The following TAFA2 variants were observed in gnomAD, a reference collection of about 807,000 sequenced individuals.
The protein encoded by TAFA2 is TAFA chemokine like family member 2.
In TAFA2, 7 loss-of-function variants were observed where a neutral mutation model predicts 18.8. The observed-to-expected ratio is 0.37, with a 90% confidence interval of 0.21 to 0.70. The LOEUF is 0.70. Among genes scored for constraint, TAFA2 ranks in the 30% least tolerant of loss-of-function variants. The pLI is 0.53. For missense variants in TAFA2, 122 were observed against 158.1 expected (o/e 0.77, Z 1.23); for synonymous variants, 60 against 54.2 (o/e 1.11, Z -0.47).
intron 2 of TAFA2, among the ~76,000 whole-genome samples, chr12:61,768,737 GC>G (rs1459228572): frequency 6.6e-6 from 1 of 152,092 alleles, no homozygotes; most frequent in African/African-American, 2.4e-5. Context: ...GGGGAGGTCT[GC>G]CAGTGGAATT....
chr12:62,207,502 A>G lies in TAFA2; in HGVS notation c.-130+51261T>C, dbSNP rs533506402. On this transcript the variant is annotated intron_variant, in intron 1 of 5. Coordinates refer to the TAFA2 transcript ENST00000551619. ...CACACACACACACATACACGAGACAAGAAGCTCAAATGCACCCCTATGGTC... is the reference window on the plus strand; with the variant it reads ...CACACACACACACATACACGAGACAGGAAGCTCAAATGCACCCCTATGGTC... Among the ~76,000 whole-genome samples the G allele has an allele frequency of 2.6e-5, 4 of 152,176 alleles. No homozygotes were observed. In the South Asian group the frequency reaches 8.3e-4, roughly 32 times the overall value.
chr12:62,129,790 A>T (rs1435085633), intron 1 of TAFA2, among the ~76,000 whole-genome samples: 1 of 151,878 alleles, frequency 6.6e-6, no homozygotes, highest in Non-Finnish European at 1.5e-5. Context: ...TCTTCCTTTC[A>T]TCCCCAGGAC....
In TAFA2 at chr12:61,760,939, C is replaced by T. The variant is rs543772857; in HGVS notation, c.107-5915G>A. 2.6e-5 allele frequency among the ~76,000 whole-genome samples: 4 copies of T among 151,878 alleles called. No individual in the cohort carries two copies. In the South Asian group the frequency reaches 8.3e-4, roughly 32 times the overall value. ...GATGCATAAACACAAAGTATTCCCT[C>T]CTACTTTTTTGTGAAATGACAGCAT... On this transcript the variant is annotated intron_variant, in intron 2 of 4. Transcript: ENST00000416284.
At chr12:61,758,512 G>A (rs943044644) in intron 2 of TAFA2, among the ~76,000 whole-genome samples, 1 of 152,038 alleles carries the variant, frequency 6.6e-6, no homozygotes, top group Non-Finnish European at 1.5e-5. Context: ...TGTAGGTACA[G>A]AGTCAGGTAG....
chr12:61,948,920 T>C (rs549095499), intron 1 of TAFA2, among the ~76,000 whole-genome samples: 2 of 152,276 alleles, frequency 1.3e-5, no homozygotes, highest in African/African-American at 2.4e-5. Flanking sequence ...TGACCTACCT[T>C]AAATATCATC....
chr12:62,123,173 C>T, intron 1 of TAFA2, among the ~76,000 whole-genome samples: 1 of 152,152 alleles, frequency 6.6e-6, no homozygotes, highest in Non-Finnish European at 1.5e-5. Context: ...GGACAGAAAA[C>T]AGCTTTTATT....
chr12:61,939,321 T>G (rs1184305120), intron 1 of TAFA2, among the ~76,000 whole-genome samples: 1 of 152,204 alleles, frequency 6.6e-6, no homozygotes, highest in Non-Finnish European at 1.5e-5. Flanking sequence ...AAAATATGAC[T>G]GGTTAGATTT....
intron 4 of TAFA2, among the ~76,000 whole-genome samples, chr12:61,723,873 A>G (rs575459897): frequency 6.6e-6 from 1 of 152,200 alleles, no homozygotes; most frequent in East Asian, 1.9e-4. Flanking sequence ...ATTTCCATAC[A>G]GCTGCTTAAC....
At chr12:61,955,600 C>CA (rs869189343) in intron 1 of TAFA2, among the ~76,000 whole-genome samples, 8 of 38,944 alleles carry the variant, frequency 2.1e-4, no homozygotes, top group African/African-American at 6.3e-4. Flanking sequence ...GACTCCATCT[C>CA]AAAAAAAAAA....
chr12:61,900,383 T>C (rs1009361125), intron 1 of TAFA2, among the ~76,000 whole-genome samples: 1 of 152,220 alleles, frequency 6.6e-6, no homozygotes, highest in African/African-American at 2.4e-5. Context: ...GAAAAGCTTA[T>C]ATTTCTGTGG....
intron 1 of TAFA2, among the ~76,000 whole-genome samples, chr12:62,178,681 A>G (rs1006024444): frequency 6.6e-6 from 1 of 152,224 alleles, no homozygotes; most frequent in Non-Finnish European, 1.5e-5. Flanking sequence ...CAGATGCTGC[A>G]TGTGGCATCC....
intron 1 of TAFA2, among the ~76,000 whole-genome samples, chr12:61,925,349 C>T (rs975642737): frequency 1.3e-5 from 2 of 152,174 alleles, no homozygotes; most frequent in Admixed American, 1.3e-4. Context: ...AAACACTCCT[C>T]TGCAAATGTA....
chr12:61,803,014 G>A (rs988884660), intron 2 of TAFA2, among the ~76,000 whole-genome samples: 14 of 151,868 alleles, frequency 9.2e-5, no homozygotes, highest in African/African-American at 3.4e-4. Context: ...ACTCCTAGCT[G>A]TCTCTTAATA....
chr12:62,061,713 T>C (rs1882353456), intron 1 of TAFA2, among the ~76,000 whole-genome samples: 1 of 152,220 alleles, frequency 6.6e-6, no homozygotes. Context: ...ACCACATGAA[T>C]AAGTTAAACT....
At chr12:62,163,593 G>A (rs900480392) in intron 1 of TAFA2, among the ~76,000 whole-genome samples, 21 of 152,204 alleles carry the variant, frequency 1.4e-4, no homozygotes, top group Admixed American at 6.5e-4. Flanking sequence ...CATATTCAGG[G>A]AGGTGTCTTA....
chr12:61,808,712 A>C (rs780249662), intron 2 of TAFA2, among the ~76,000 whole-genome samples: 32 of 151,546 alleles, frequency 2.1e-4, no homozygotes, highest in Middle Eastern at 3.4e-3. Context: ...ACTTGGTCTG[A>C]AAGTAGTAAT....
intron 4 of TAFA2, among the ~76,000 whole-genome samples, chr12:61,731,370 G>A (rs1870441769): frequency 6.6e-6 from 1 of 152,038 alleles, no homozygotes; most frequent in Non-Finnish European, 1.5e-5. Flanking sequence ...TACAATGTTA[G>A]TCTCCACACG....
At chr12:62,092,241 C>G (rs1253854416) in intron 1 of TAFA2, among the ~76,000 whole-genome samples, 3 of 151,920 alleles carry the variant, frequency 2.0e-5, no homozygotes, top group African/African-American at 7.2e-5. Context: ...TATATAAAAA[C>G]ATAAATATGC....
chr12:61,842,006 C>A (rs1244491435), intron 2 of TAFA2, among the ~76,000 whole-genome samples: 1 of 151,962 alleles, frequency 6.6e-6, no homozygotes, highest in Non-Finnish European at 1.5e-5. Flanking sequence ...TGCCACTCCA[C>A]TTAATGACTA....
Sources: allele counts gnomAD v4.1 joint callset (sites outside exome capture counted in the v4.1 genomes callset), GRCh38; gene constraint gnomAD v4.1.1; transcripts MANE v1.5; gene names NCBI Gene and HGNC (gene_info 2026-07-23, HGNC 2026-07-21).